SRC: variants seen among roughly 807,000 people sequenced by gnomAD.
SRC encodes the protein proto-oncogene tyrosine-protein kinase Src.
SRC carries 13 observed loss-of-function variants against 62.9 expected under a neutral mutation model. The ratio of observed to expected loss-of-function variants is 0.21; its 90% CI spans 0.13 to 0.33. SRC has a LOEUF of 0.33. SRC is among the 10% of genes least tolerant of loss of function. SRC has a pLI of 1.00. For missense variants in SRC, 457 were observed against 737.3 expected (o/e 0.62, Z 4.40); for synonymous variants, 302 against 317.5 (o/e 0.95, Z 0.52).
Position 37,404,206 on chromosome 20 carries a change from T to A in SRC, c.*827T>A, listed in dbSNP as rs907638749. The A allele has an allele frequency of 1.3e-5, 3 of 232,870 alleles. No homozygotes were observed. The highest frequency in any genetic ancestry group is 6.7e-5 in the African/African-American group (3 of 45,032). The allele number at this position is 232,870 out of a possible 1,614,324, so 14.4% of individuals were successfully genotyped here. ...CTGGGACAGCCCAGGAAACAAGGGG[T>A]CTGAGGATGCATTCGAGATGGCAGA... On this transcript the variant is annotated 3_prime_UTR_variant, in exon 14 of 14. Coordinates refer to ENST00000373578, the MANE Select transcript of SRC (RefSeq NM_198291.3).
intron 2 of SRC, among the ~76,000 whole-genome samples, chr20:37,382,274 A>G (rs371998389): frequency 1.3e-5 from 2 of 152,240 alleles, no homozygotes; most frequent in Non-Finnish European, 2.9e-5. Context: ...ATTTATCACA[A>G]TGACCCCATC....
At chr20:37,364,489 C>G (rs1053234925) in intron 1 of SRC, among the ~76,000 whole-genome samples, 1 of 152,100 alleles carries the variant, frequency 6.6e-6, no homozygotes. Context: ...GTGTCCACCC[C>G]GTGATGAGGG....
At position 37,398,120 on chromosome 20, in the gene SRC, G is replaced by A. The variant is rs1047511492; in HGVS notation, c.859+266G>A. On this transcript the variant is annotated intron_variant, in intron 9 of 13. Transcript: ENST00000373578. This position sits in a 1 kb window ranked among gnomAD's most constrained non-coding sequence, Gnocchi z 5.2. ...CAGACCTGCTGTGTAGGCTGGGCCCGGTGGCCTCACTCAGAGCCTCAGTCT... is the reference window on the plus strand; with the variant it reads ...CAGACCTGCTGTGTAGGCTGGGCCCAGTGGCCTCACTCAGAGCCTCAGTCT... 3.9e-5 allele frequency among the ~76,000 whole-genome samples: 6 copies of A among 152,168 alleles called. No individual in the cohort carries two copies. The highest frequency in any genetic ancestry group is 2.1e-4 in the South Asian group (1 of 4,822).
intron 11 of SRC, 94 bp downstream of exon 11, chr20:37,401,772 C>T: frequency 1.2e-6 from 1 of 847,624 alleles, no homozygotes; most frequent in Non-Finnish European, 1.8e-6. Flanking sequence ...GTGCCCCCTC[C>T]AAGAAGCCTG....
intron 9 of SRC, among the ~76,000 whole-genome samples, chr20:37,399,421 C>A (rs1416498899): frequency 1.3e-5 from 2 of 152,206 alleles, no homozygotes; most frequent in Non-Finnish European, 2.9e-5. Flanking sequence ...GTACACATTG[C>A]ATTTGCTAAC....
Position 37,396,068 on chromosome 20 carries a change from C to T in SRC, c.554-94C>T, listed in dbSNP as rs2147100097. 8.5e-6 allele frequency: 13 copies of T among 1,524,728 alleles called. No individual in the cohort carries two copies. Among genetic ancestry groups the T allele is most frequent in the Non-Finnish European group, 1.1e-5 (13 of 1,135,280 alleles). 94.4% of individuals were successfully genotyped at this position (1,524,728 alleles called of 1,614,324 possible). On this transcript the variant is annotated intron_variant, in intron 7 of 13. Transcript: ENST00000373578. The surrounding 1 kb of genome is among the most constrained non-coding windows in gnomAD (Gnocchi z 6.1). ...TGGGGCCCCGCCTGGGCCTCCCTTC[C>T]CTCCAATGTCAGGCAGGCACAGAAC...
intron 5 of SRC, among the ~76,000 whole-genome samples, chr20:37,393,019 C>A (rs2070577028): frequency 1.3e-5 from 2 of 152,186 alleles, no homozygotes; most frequent in African/African-American, 4.8e-5. Context: ...TGCAAAGGTA[C>A]TTCCGCCCCT....
intron 2 of SRC, among the ~76,000 whole-genome samples, chr20:37,375,268 G>A (rs1220027472): frequency 2.0e-5 from 3 of 150,256 alleles, no homozygotes; most frequent in Admixed American, 2.0e-4. Context: ...GTCTCACTCT[G>A]TTGCTCAGGC....
At chr20:37,375,358 C>G (rs554933751) in intron 2 of SRC, among the ~76,000 whole-genome samples, 1 of 151,988 alleles carries the variant, frequency 6.6e-6, no homozygotes, top group Non-Finnish European at 1.5e-5. Context: ...CAGCCTCCTG[C>G]GTAGCTGGGT....
chr20:37,345,287 AG>A (rs1219820040), upstream of SRC, among the ~76,000 whole-genome samples: 1 of 152,086 alleles, frequency 6.6e-6, no homozygotes, highest in East Asian at 1.9e-4. Context: ...AGCCTGCGCC[AG>A]GGGGTAAGAG....
At chr20:37,359,034 T>A (rs2069926672) in intron 1 of SRC, among the ~76,000 whole-genome samples, 1 of 152,240 alleles carries the variant, frequency 6.6e-6, no homozygotes, top group Admixed American at 6.5e-5. Flanking sequence ...TGGGCCATGC[T>A]GGGTGGGGAT....
At chr20:37,382,511 G>C (rs940170450) in intron 2 of SRC, 108 bp from the exon 3 acceptor site, 7 of 152,236 alleles carry the variant, frequency 4.6e-5, no homozygotes, top group African/African-American at 1.7e-4. Flanking sequence ...GCCTGCTAGA[G>C]CCATAGCCTG....
At chr20:37,380,668 G>T (rs990798913) in intron 2 of SRC, among the ~76,000 whole-genome samples, 1 of 152,128 alleles carries the variant, frequency 6.6e-6, no homozygotes, top group East Asian at 1.9e-4. Context: ...TGTCAGGCCC[G>T]TCCTGGTCTC....
chr20:37,403,013 C>A lies in SRC; in HGVS notation c.1402+133C>A. On this transcript the variant is annotated intron_variant, in intron 13 of 13. Transcript: ENST00000373578. This position sits in a 1 kb window ranked among gnomAD's most constrained non-coding sequence, Gnocchi z 7.1. The stretch of plus-strand genomic sequence containing the variant: ...GAAGTTGAGCGTCTGATGTTAGGCT[C>A]TCTCGATGGTCCATGCTCTCAGCTT... 2 of 1,348,508 alleles carry A rather than the reference C, an allele frequency of 1.5e-6. No individual in the cohort carries two copies. Among genetic ancestry groups the A allele is most frequent in the Non-Finnish European group, 2.0e-6 (2 of 1,006,678 alleles). The allele number at this position is 1,348,508 out of a possible 1,614,324, so 83.5% of individuals were successfully genotyped here.
chr20:37,380,058 C>T (rs117149618), intron 2 of SRC, among the ~76,000 whole-genome samples: 3,510 of 151,500 alleles, frequency 0.023, 47 homozygotes, highest in Non-Finnish European at 0.036. Flanking sequence ...AAGAGGGAGG[C>T]GGCAGTGTAG....
In SRC at chr20:37,402,382, C is replaced by T; in HGVS notation, c.1117-53C>T. ...CTCCAGCCCCAGAGTGCTCTGTGGCCCTGGGAGGGCATGGGTGGCACCTGA... is the reference window on the plus strand; with the variant it reads ...CTCCAGCCCCAGAGTGCTCTGTGGCTCTGGGAGGGCATGGGTGGCACCTGA... On this transcript the variant is annotated intron_variant, in intron 11 of 13. Coordinates refer to ENST00000373578, the MANE Select transcript of SRC (RefSeq NM_198291.3). This position sits in a 1 kb window ranked among gnomAD's most constrained non-coding sequence, Gnocchi z 6.2. 1 of 1,591,622 alleles carries T rather than the reference C, an allele frequency of 6.3e-7. No homozygotes were observed. Among genetic ancestry groups the T allele is most frequent in the Non-Finnish European group, 8.6e-7 (1 of 1,168,470 alleles).
chr20:37,387,130 C>T (rs758951435), intron 5 of SRC, among the ~76,000 whole-genome samples: 18 of 152,168 alleles, frequency 1.2e-4, no homozygotes, highest in South Asian at 2.1e-4. Flanking sequence ...TGGGTGTCCT[C>T]GAAGGCCTGG....
intron 1 of SRC, among the ~76,000 whole-genome samples, chr20:37,362,453 T>G (rs1484502210): frequency 6.6e-6 from 1 of 152,062 alleles, no homozygotes; most frequent in Non-Finnish European, 1.5e-5. Context: ...TCTTCCAGTT[T>G]CTCCTCAGCT....
chr20:37,373,254 ACACATG>A (rs1160191680), intron 2 of SRC, among the ~76,000 whole-genome samples: 31 of 82,750 alleles, frequency 3.7e-4, no homozygotes, highest in African/African-American at 2.1e-3. Flanking sequence ...ACACACGCAC[ACACATG>A]TACATACGCA....
Sources: allele counts gnomAD v4.1 joint callset (sites outside exome capture counted in the v4.1 genomes callset), GRCh38; gene constraint gnomAD v4.1.1; non-coding constraint Gnocchi (gnomAD v3.1); transcripts MANE v1.5; gene names NCBI Gene and HGNC (gene_info 2026-07-23, HGNC 2026-07-21).